Variants in ZNF185 observed in about 807,000 individuals in gnomAD.
The protein encoded by ZNF185 is zinc finger protein 185 with LIM domain.
A neutral mutation model predicts 58.6 loss-of-function variants in ZNF185; 56 were observed. The ratio of observed to expected loss-of-function variants is 0.95; its 90% CI spans 0.77 to 1.19. ZNF185 has a LOEUF of 1.19. Ranked by LOEUF, ZNF185 falls within the 50% of genes most tolerant of loss-of-function variation. The pLI is 0.00. For synonymous variants in ZNF185, 230 were observed against 215.9 expected, an observed-to-expected ratio of 1.07 and a Z score of -0.57; for missense variants, 627 against 573.5, an observed-to-expected ratio of 1.09 and a Z score of -0.95.
chrX:152,931,161 T>C (rs1556876934), intron 12 of ZNF185, among the ~76,000 whole-genome samples: 1 of 112,263 alleles, frequency 8.9e-6, no homozygotes, highest in East Asian at 2.8e-4. Context: ...GGCTCACACC[T>C]GTAATCCCAG....
chrX:152,937,807 A>C (rs1346420611), intron 14 of ZNF185, among the ~76,000 whole-genome samples: 2 of 112,331 alleles, frequency 1.8e-5, no homozygotes, highest in Non-Finnish European at 3.8e-5. Flanking sequence ...ACTAGAACCC[A>C]AAACCAGGAG....
chrX:152,933,005 C>T (rs782342273), intron 14 of ZNF185, 34 bp downstream of exon 15: 91 of 1,055,414 alleles, frequency 8.6e-5, no homozygotes, highest in Non-Finnish European at 1.0e-4. Flanking sequence ...TTCTCTCATG[C>T]CCCTGGTGAC....
intron 16 of ZNF185, among the ~76,000 whole-genome samples, chrX:152,949,354 G>C (rs2048075208): frequency 8.9e-6 from 1 of 112,675 alleles, no homozygotes. Context: ...CACTCTGCAA[G>C]TGCTCTTCTC....
chrX:152,923,920 A>G (rs782643557), intron 11 of ZNF185, among the ~76,000 whole-genome samples: 10 of 111,530 alleles, frequency 9.0e-5, no homozygotes, highest in Non-Finnish European at 1.9e-5. Flanking sequence ...AAAGGCTGCC[A>G]CAACAAAGTA....
At chrX:152,936,816 G>GGTT (rs1569504422) in intron 14 of ZNF185, among the ~76,000 whole-genome samples, 5 of 110,432 alleles carry the variant, frequency 4.5e-5, no homozygotes, top group Non-Finnish European at 3.8e-5. Flanking sequence ...ATCCTGCTAG[G>GGTT]AGGTCTCAGA....
upstream of ZNF185, among the ~76,000 whole-genome samples, chrX:152,911,722 AT>A: frequency 1.9e-5 from 1 of 53,242 alleles, no homozygotes; most frequent in African/African-American, 8.0e-5. Flanking sequence ...ATCCCATCCC[AT>A]CCCATCCCAT....
intron 7 of ZNF185, among the ~76,000 whole-genome samples, chrX:152,919,842 G>T (rs782150188): frequency 2.7e-5 from 3 of 112,777 alleles, no homozygotes; most frequent in Non-Finnish European, 5.6e-5. Context: ...ATTGCCAAAG[G>T]CCCTGGCAGA....
chrX:152,916,750 CA>C (rs1938568886), intron 3 of ZNF185, among the ~76,000 whole-genome samples: 2 of 112,728 alleles, frequency 1.8e-5, no homozygotes, highest in African/African-American at 6.4e-5. Flanking sequence ...GGGGAGCCTC[CA>C]GCTTGCACTG....
At chrX:152,964,778 G>T (rs2049940698) in intron 18 of ZNF185, among the ~76,000 whole-genome samples, 1 of 110,578 alleles carries the variant, frequency 9.0e-6, no homozygotes, top group Non-Finnish European at 1.9e-5. Context: ...GGGGCGGGAG[G>T]GGGGCATATC....
At position 152,928,647 on chromosome X, in the gene ZNF185, C is replaced by A; in HGVS notation, c.903C>A (p.Asp301Glu). ...CAGGACTCCGCCTGGTGGCCCCAGA[C>A]GTGGAAGGCATGAGGTATGGGGGTC... is the stretch of plus-strand genomic sequence containing the variant. Residue 301 changes from aspartate to glutamate, a missense_variant, in exon 12 of 23, where the codon GAC becomes GAA. Physicochemically the swap from Asp to Glu is conservative, Grantham distance 45. Transcript: ENST00000449285. 12 of 1,211,381 alleles carry A rather than the reference C, an allele frequency of 9.9e-6. No homozygotes were observed. Among genetic ancestry groups the A allele is most frequent in the Non-Finnish European group, 1.2e-5 (11 of 895,237 alleles).
intron 19 of ZNF185, 40 bp from the exon 22 acceptor site, chrX:152,967,127 C>T (rs1461231613): frequency 1.7e-6 from 2 of 1,162,892 alleles, no homozygotes; most frequent in East Asian, 3.0e-5. Context: ...TGATTTGGCT[C>T]TCATCTCTGC....
At chrX:152,959,153 C>T (rs57088177) in intron 16 of ZNF185, among the ~76,000 whole-genome samples, 1,992 of 112,538 alleles carry the variant, frequency 0.018, 41 homozygotes, top group African/African-American at 0.061. Context: ...GCCCTTCCCC[C>T]CTTTGTGGGG....
upstream of ZNF185, among the ~76,000 whole-genome samples, chrX:152,913,105 T>C (rs1279336122): frequency 2.7e-5 from 3 of 112,292 alleles, no homozygotes; most frequent in Admixed American, 9.3e-5. Context: ...GCCCCTGACC[T>C]CCACAGAAAC....
At chrX:152,963,216 C>G (rs966238137) in intron 17 of ZNF185, among the ~76,000 whole-genome samples, 5 of 113,045 alleles carry the variant, frequency 4.4e-5, no homozygotes, top group African/African-American at 1.6e-4. Context: ...ATTGGCTTGG[C>G]CAGAGAAAAG....
At chrX:152,948,473 C>G (rs1263485592) in intron 16 of ZNF185, among the ~76,000 whole-genome samples, 2 of 111,565 alleles carry the variant, frequency 1.8e-5, no homozygotes, top group African/African-American at 3.3e-5. Flanking sequence ...TCCTTGGACT[C>G]TGAGTCTCTC....
upstream of ZNF185, among the ~76,000 whole-genome samples, chrX:152,913,752 G>A (rs1205014300): frequency 1.8e-5 from 2 of 112,383 alleles, no homozygotes; most frequent in African/African-American, 6.5e-5. Context: ...GGACCACCGC[G>A]CCTCTCCTAG....
chrX:152,956,065 T>C (rs1161401039), intron 16 of ZNF185, among the ~76,000 whole-genome samples: 1 of 111,928 alleles, frequency 8.9e-6, no homozygotes, highest in Non-Finnish European at 1.9e-5. Flanking sequence ...CTCATAATCA[T>C]ACATTTCAAT....
chrX:152,937,595 A>G (rs782567400), intron 14 of ZNF185, among the ~76,000 whole-genome samples: 1 of 112,044 alleles, frequency 8.9e-6, no homozygotes, highest in South Asian at 3.7e-4. Flanking sequence ...CCCAAGAGAC[A>G]TGTCCCCCAT....
At chrX:152,971,095 A>T (rs1431156481) in intron 22 of ZNF185, among the ~76,000 whole-genome samples, 179 bp from the exon 25 acceptor site, 2 of 111,792 alleles carry the variant, frequency 1.8e-5, no homozygotes, top group East Asian at 5.6e-4. Flanking sequence ...CACAGAGCAG[A>T]ATATATCCCT....
Sources: allele counts gnomAD v4.1 joint callset (sites outside exome capture counted in the v4.1 genomes callset), GRCh38; gene constraint gnomAD v4.1.1; transcripts MANE v1.5; gene names NCBI Gene and HGNC (gene_info 2026-07-23, HGNC 2026-07-21).